KCNH8: variants seen among roughly 807,000 people sequenced by gnomAD.
KCNH8 encodes the protein voltage-gated delayed rectifier potassium channel KCNH8.
A neutral mutation model predicts 103.6 loss-of-function variants in KCNH8; 70 were observed. The ratio of observed to expected loss-of-function variants is 0.68; its 90% CI spans 0.56 to 0.82. The LOEUF (loss-of-function observed/expected upper bound fraction) is 0.82, where lower values mean the gene tolerates loss of function less well. KCNH8 is among the 40% of genes least tolerant of loss of function. KCNH8 has a pLI of 0.00. For missense variants in KCNH8, 1,217 were observed against 1,329.9 expected (o/e 0.92, Z 1.32); for synonymous variants, 498 against 489.4 (o/e 1.02, Z -0.23).
At chr3:19,181,732 CCT>C (rs1470979663) in intron 1 of KCNH8, among the ~76,000 whole-genome samples, 2 of 152,128 alleles carry the variant, frequency 1.3e-5, no homozygotes, top group African/African-American at 2.4e-5. Context: ...CTCATTGTCC[CCT>C]GTCTTGCACA....
intron 7 of KCNH8, among the ~76,000 whole-genome samples, chr3:19,400,950 C>T (rs917267672): frequency 6.6e-6 from 1 of 151,906 alleles, no homozygotes; most frequent in African/African-American, 2.4e-5. Context: ...TTAAAGCTAA[C>T]CCTTACTTGT....
intron 15 of KCNH8, among the ~76,000 whole-genome samples, chr3:19,529,035 G>A (rs2069114656): frequency 6.6e-6 from 1 of 152,146 alleles, no homozygotes; most frequent in Non-Finnish European, 1.5e-5. Flanking sequence ...CAGAGGAGAA[G>A]AGCCCGCAGT....
At chr3:19,287,102 T>C (rs1442803085) in intron 3 of KCNH8, among the ~76,000 whole-genome samples, 1 of 146,940 alleles carries the variant, frequency 6.8e-6, no homozygotes, top group Non-Finnish European at 1.5e-5. Context: ...ATATTGATGG[T>C]AATGCAAAAA....
intron 1 of KCNH8, among the ~76,000 whole-genome samples, chr3:19,179,322 G>A (rs928340909): frequency 4.6e-5 from 7 of 152,126 alleles, no homozygotes; most frequent in Non-Finnish European, 1.0e-4. Flanking sequence ...AAAAAACTAT[G>A]CTGATTAACA....
In KCNH8 at chr3:19,167,724, T is replaced by C. The variant is rs142653995; in HGVS notation, c.76+18929T>C. On this transcript the variant is annotated intron_variant, in intron 1 of 15. Coordinates refer to ENST00000328405, the MANE Select transcript of KCNH8 (RefSeq NM_144633.3). ...TAGATTCACATGCAGTTATAAGAAATAATAGAGAAATTACAGATGCCCTGC... is the reference window on the plus strand; with the variant it reads ...TAGATTCACATGCAGTTATAAGAAACAATAGAGAAATTACAGATGCCCTGC... 1.2e-4 allele frequency among the ~76,000 whole-genome samples: 19 copies of C among 152,346 alleles called. No individual in the cohort carries two copies. The East Asian group carries it at 3.7e-3, about 29-fold the overall frequency.
intron 6 of KCNH8, among the ~76,000 whole-genome samples, chr3:19,393,983 T>C (rs2066476544): frequency 1.3e-5 from 2 of 152,046 alleles, no homozygotes; most frequent in African/African-American, 4.8e-5. Flanking sequence ...TCTAGGTATG[T>C]TTTTCTTAGA....
chr3:19,534,153 T>A lies in KCNH8; in HGVS notation c.*54T>A, dbSNP rs1011162436. The A allele has an allele frequency of 7.2e-7, 1 of 1,385,154 alleles. No individual in the cohort carries two copies. The highest frequency in any genetic ancestry group is 1.0e-6 in the Non-Finnish European group (1 of 999,826). The allele number at this position is 1,385,154 out of a possible 1,614,324, so 85.8% of individuals were successfully genotyped here. A position where few individuals can be genotyped will look rare whatever the true frequency, so the allele number is the denominator to read the frequency against. On this transcript the variant is annotated 3_prime_UTR_variant, in exon 16 of 16. Transcript: ENST00000328405. ...TTCAAACCTACCACTGCATGACAGT[T>A]TTAGTTTGCCTTTTTGCCTCTGGTG...
chr3:19,391,434 C>T (rs145299837), intron 6 of KCNH8, among the ~76,000 whole-genome samples: 9 of 152,020 alleles, frequency 5.9e-5, no homozygotes, highest in Admixed American at 2.0e-4. Flanking sequence ...CCAATTACGG[C>T]GTGTAAAACT....
intron 1 of KCNH8, among the ~76,000 whole-genome samples, chr3:19,180,601 G>C (rs1312351734): frequency 6.6e-6 from 1 of 152,080 alleles, no homozygotes; most frequent in Non-Finnish European, 1.5e-5. Context: ...TTGACTTCAG[G>C]CATTCAAAAT....
chr3:19,378,418 G>T (rs1429353791), intron 5 of KCNH8, among the ~76,000 whole-genome samples: 1 of 152,108 alleles, frequency 6.6e-6, no homozygotes, highest in Non-Finnish European at 1.5e-5. Context: ...TAGAAGGAAA[G>T]GTAGACAAGG....
intron 15 of KCNH8, among the ~76,000 whole-genome samples, chr3:19,526,729 A>G (rs1311372155): frequency 1.3e-5 from 2 of 152,002 alleles, no homozygotes; most frequent in East Asian, 3.9e-4. Flanking sequence ...AGACGTGGAT[A>G]TTATATGAAA....
At chr3:19,394,878 T>C (rs1457549377) in intron 6 of KCNH8, among the ~76,000 whole-genome samples, 1 of 151,950 alleles carries the variant, frequency 6.6e-6, no homozygotes, top group Admixed American at 6.6e-5. Context: ...TTAAGAAAGG[T>C]GTTTACTCAA....
At chr3:19,525,861 G>A (rs139145375) in intron 15 of KCNH8, among the ~76,000 whole-genome samples, 15 of 151,864 alleles carry the variant, frequency 9.9e-5, no homozygotes, top group African/African-American at 3.4e-4. Context: ...TGGGATTGAG[G>A]TCCTCATATG....
At chr3:19,183,042 A>G (rs1419381061) in intron 1 of KCNH8, among the ~76,000 whole-genome samples, 2 of 152,144 alleles carry the variant, frequency 1.3e-5, no homozygotes, top group Non-Finnish European at 2.9e-5. Flanking sequence ...AAGTTTCTCA[A>G]CCTGATTAAA....
At chr3:19,170,926 C>T (rs1271065144) in intron 1 of KCNH8, among the ~76,000 whole-genome samples, 7 of 151,226 alleles carry the variant, frequency 4.6e-5, no homozygotes, top group Admixed American at 3.3e-4. Flanking sequence ...ATTTTCCTGC[C>T]TCAGCCTCCC....
intron 1 of KCNH8, among the ~76,000 whole-genome samples, chr3:19,209,556 C>T (rs1294173054): frequency 1.3e-5 from 2 of 152,074 alleles, no homozygotes; most frequent in Admixed American, 1.3e-4. Flanking sequence ...CATTGTAAAG[C>T]ATTCAAACCA....
chr3:19,281,097 A>G (rs2064750764), intron 2 of KCNH8, 101 bp from the exon 3 acceptor site: 2 of 1,273,116 alleles, frequency 1.6e-6, no homozygotes, highest in African/African-American at 1.5e-5. Flanking sequence ...GTGGGATTGA[A>G]GAAAACACTA....
At chr3:19,350,367 T>G (rs2065783764) in intron 5 of KCNH8, among the ~76,000 whole-genome samples, 1 of 152,084 alleles carries the variant, frequency 6.6e-6, no homozygotes, top group South Asian at 2.1e-4. Flanking sequence ...CTGACAGCTT[T>G]GAAGAGAGGA....
intron 2 of KCNH8, among the ~76,000 whole-genome samples, chr3:19,264,577 T>TGCTTA (rs2125261378): frequency 6.6e-6 from 1 of 152,230 alleles, no homozygotes; most frequent in Admixed American, 6.5e-5. Flanking sequence ...CATCAGAAAC[T>TGCTTA]GCTTAGCTTA....
Sources: gnomAD v4.1 joint callset for allele counts (sites outside exome capture counted in the v4.1 genomes callset) on GRCh38, gnomAD v4.1.1 for gene constraint, MANE v1.5 for transcripts, NCBI Gene and HGNC (gene_info 2026-07-23, HGNC 2026-07-21) for gene names.